Variants in NAV3 observed in about 807,000 individuals in gnomAD.
NAV3 encodes the protein pore membrane and/or filament interacting like protein 1.
In NAV3, 87 loss-of-function variants were observed where a neutral mutation model predicts 244.7. The ratio of observed to expected loss-of-function variants is 0.36; its 90% CI spans 0.30 to 0.42. NAV3 has a LOEUF of 0.42. NAV3 is among the 20% of genes least tolerant of loss of function. The pLI is 1.00. For missense variants in NAV3, 2,663 were observed against 2,893.3 expected (o/e 0.92, Z 1.83); for synonymous variants, 1,126 against 1,042.2 (o/e 1.08, Z -1.55).
At chr12:77,729,780 G>A (rs570318204) in intron 2 of NAV3, among the ~76,000 whole-genome samples, 1 of 151,806 alleles carries the variant, frequency 6.6e-6, no homozygotes, top group Non-Finnish European at 1.5e-5. Context: ...TTACCTATTG[G>A]TAAAATTAAA....
chr12:78,014,650 G>C (rs1048404991), intron 8 of NAV3, among the ~76,000 whole-genome samples: 4 of 152,054 alleles, frequency 2.6e-5, no homozygotes, highest in Admixed American at 2.6e-4. Context: ...TTTCCAAAAG[G>C]TGGAGAATGC....
chr12:78,157,096 G>A (rs1304479067), intron 22 of NAV3, among the ~76,000 whole-genome samples: 1 of 152,026 alleles, frequency 6.6e-6, no homozygotes, highest in Non-Finnish European at 1.5e-5. Context: ...GAAGGAAGAG[G>A]GAATAATAAG....
chr12:78,125,529 A>G (rs1003450017), intron 16 of NAV3, among the ~76,000 whole-genome samples: 1 of 152,160 alleles, frequency 6.6e-6, no homozygotes, highest in African/African-American at 2.4e-5. Context: ...GTAGTAACCA[A>G]CTTTGCAAAT....
chr12:78,133,008 C>T (rs1056848054), intron 18 of NAV3, among the ~76,000 whole-genome samples: 63 of 152,136 alleles, frequency 4.1e-4, no homozygotes, highest in Non-Finnish European at 7.4e-5. Flanking sequence ...TCTCCTACAT[C>T]TGTCTCTCAT....
chr12:78,189,151 T>C (rs965079595), intron 33 of NAV3, among the ~76,000 whole-genome samples: 1 of 151,922 alleles, frequency 6.6e-6, no homozygotes, highest in Non-Finnish European at 1.5e-5. Flanking sequence ...GATTTTAAAA[T>C]GTGTATGCCT....
chr12:78,000,956 C>T (rs752628515), intron 7 of NAV3, among the ~76,000 whole-genome samples: 30 of 130,904 alleles, frequency 2.3e-4, no homozygotes, highest in Non-Finnish European at 3.8e-4. Context: ...CCAGCCTGGG[C>T]GACAGAGCGA....
At position 77,873,679 on chromosome 12, in the gene NAV3, G is replaced by GTGTGTATATATATATA. The variant is rs540390004; in HGVS notation, c.243+41976_243+41977insGTGTATATATATATAT. On this transcript the variant is annotated intron_variant, in intron 1 of 39. Transcript: ENST00000397909. The stretch of plus-strand genomic sequence containing the variant: ...TTATATATATACATGATTTGTATGT[G>GTGTGTATATATATATA]TATATATATATATATATATATATAT... 7.0e-4 allele frequency among the ~76,000 whole-genome samples: 75 copies of GTGTGTATATATATATA among 107,286 alleles called. 5 individuals are homozygous for GTGTGTATATATATATA. Among genetic ancestry groups the GTGTGTATATATATATA allele is most frequent in the Non-Finnish European group, 1.1e-3 (59 of 51,346 alleles). 70.4% of individuals were successfully genotyped at this position (107,286 alleles called of 152,430 possible).
chr12:78,096,484 G>A (rs760121011), intron 12 of NAV3, among the ~76,000 whole-genome samples: 4 of 152,136 alleles, frequency 2.6e-5, no homozygotes, highest in Non-Finnish European at 4.4e-5. Context: ...AGTAATTTAT[G>A]AAGGAAAGAG....
chr12:77,656,077 A>G (rs1201878395), intron 2 of NAV3, among the ~76,000 whole-genome samples: 1 of 151,682 alleles, frequency 6.6e-6, no homozygotes, highest in African/African-American at 2.4e-5. Context: ...AGCTTACATC[A>G]TAATGAGAGG....
intron 2 of NAV3, among the ~76,000 whole-genome samples, chr12:77,723,399 G>T (rs1315954643): frequency 6.6e-6 from 1 of 151,750 alleles, no homozygotes; most frequent in African/African-American, 2.4e-5. Context: ...GGATTATGAT[G>T]AGCCTCCTTA....
intron 23 of NAV3, among the ~76,000 whole-genome samples, chr12:78,165,323 C>A (rs1054647193): frequency 1.2e-4 from 18 of 152,078 alleles, no homozygotes; most frequent in African/African-American, 3.9e-4. Context: ...CAGCCTCAAT[C>A]TTCTCTTTAG....
intron 1 of NAV3, among the ~76,000 whole-genome samples, chr12:77,843,283 G>A (rs1194548829): frequency 6.6e-6 from 1 of 151,736 alleles, no homozygotes; most frequent in Non-Finnish European, 1.5e-5. Context: ...ATTCCAGCTA[G>A]ACCTATTGTA....
At position 78,121,989 on chromosome 12, in the gene NAV3, G is replaced by C. The variant is rs2138680652; in HGVS notation, c.3799G>C (p.Glu1267Gln). 6.2e-7 allele frequency: 1 copy of C among 1,614,176 alleles called. No individual in the cohort carries two copies. The highest frequency in any genetic ancestry group is 8.5e-7 in the Non-Finnish European group (1 of 1,180,028). Residue 1267 changes from glutamate (E) to glutamine (Q), a missense_variant, in exon 16 of 40, where the codon GAG (glutamate) becomes CAG (glutamine). By Grantham distance (29) the Glu-to-Gln change is conservative. Coordinates refer to ENST00000397909, the MANE Select transcript of NAV3 (RefSeq NM_001024383.2). ...CAAATCTGCCTCTGCACCTAATACT[G>C]AGGGTGTGAAATCTTCCTCAGTAAT... ...GGKSASAPNT[E>Q]GVKSSSVMPS...
At chr12:78,016,700 T>C (rs1381087338) in intron 8 of NAV3, among the ~76,000 whole-genome samples, 1 of 152,196 alleles carries the variant, frequency 6.6e-6, no homozygotes, top group Non-Finnish European at 1.5e-5. Context: ...TCAAATCAGT[T>C]CTACTTGTGT....
chr12:77,816,521 A>C (rs570283372), intron 2 of NAV3, among the ~76,000 whole-genome samples: 85 of 152,332 alleles, frequency 5.6e-4, no homozygotes, highest in Non-Finnish European at 9.3e-4. Flanking sequence ...TACCAGGCAA[A>C]GCACAGGTAA....
intron 2 of NAV3, among the ~76,000 whole-genome samples, chr12:77,603,033 T>C (rs1248225184): frequency 6.6e-6 from 1 of 152,088 alleles, no homozygotes; most frequent in African/African-American, 2.4e-5. Flanking sequence ...CATGCTATCT[T>C]GACATTACCT....
At chr12:77,613,928 C>T (rs1871036262) in intron 2 of NAV3, among the ~76,000 whole-genome samples, 1 of 152,126 alleles carries the variant, frequency 6.6e-6, no homozygotes, top group Non-Finnish European at 1.5e-5. Flanking sequence ...GTTTTCTCTT[C>T]TGCCTGCTGG....
At chr12:77,966,928 G>A (rs1468009973) in intron 4 of NAV3, among the ~76,000 whole-genome samples, 3 of 151,894 alleles carry the variant, frequency 2.0e-5, no homozygotes, top group African/African-American at 4.8e-5. Flanking sequence ...CACTTATAAA[G>A]GTGGCAAAAG....
At chr12:77,855,806 G>A (rs887923710) in intron 1 of NAV3, among the ~76,000 whole-genome samples, 1 of 152,170 alleles carries the variant, frequency 6.6e-6, no homozygotes, top group Non-Finnish European at 1.5e-5. Flanking sequence ...TTGACTGCCA[G>A]CACATTGCAG....
Sources: gnomAD v4.1 joint callset for allele counts (sites outside exome capture counted in the v4.1 genomes callset) on GRCh38, gnomAD v4.1.1 for gene constraint, MANE v1.5 for transcripts, NCBI Gene and HGNC (gene_info 2026-07-23, HGNC 2026-07-21) for gene names.